ATP8A2: variants seen among roughly 807,000 people sequenced by gnomAD.
ATP8A2 encodes ATPase phospholipid transporting 8A2, also known as phospholipid-transporting ATPase IB.
Under a neutral mutation model 165.6 loss-of-function variants are expected in ATP8A2, and 100 were observed. The ratio of observed to expected loss-of-function variants is 0.60; its 90% CI spans 0.51 to 0.71. The LOEUF (loss-of-function observed/expected upper bound fraction) is 0.71. Ranked by LOEUF, ATP8A2 falls within the 30% of genes least tolerant of loss-of-function variation. The pLI is 0.00. For missense variants in ATP8A2, 1,227 were observed against 1,479.5 expected (o/e 0.83, Z 2.80); for synonymous variants, 543 against 548.8 (o/e 0.99, Z 0.15).
At chr13:25,708,181 G>A (rs552837182) in intron 25 of ATP8A2, among the ~76,000 whole-genome samples, 24 of 152,078 alleles carry the variant, frequency 1.6e-4, no homozygotes, top group Non-Finnish European at 3.5e-4. Context: ...ATAATATTTG[G>A]CATCTTTCCT....
At chr13:25,977,505 G>C (rs1244954351) in intron 35 of ATP8A2, among the ~76,000 whole-genome samples, 4 of 152,216 alleles carry the variant, frequency 2.6e-5, no homozygotes, top group Admixed American at 2.0e-4. Context: ...GGAAGGAGAG[G>C]AGGAGGAAAA....
chr13:25,937,848 C>CAAAAAAAAAAAAA (rs57258286), intron 33 of ATP8A2, among the ~76,000 whole-genome samples: 31 of 83,542 alleles, frequency 3.7e-4, no homozygotes, highest in African/African-American at 4.2e-4. Context: ...GACTCCGTCT[C>CAAAAAAAAAAAAA]AAAAAAAAAA....
At chr13:25,633,569 T>C (rs1237689976) in intron 24 of ATP8A2, among the ~76,000 whole-genome samples, 3 of 152,218 alleles carry the variant, frequency 2.0e-5, no homozygotes, top group Non-Finnish European at 4.4e-5. Flanking sequence ...ACAAAATAAT[T>C]ATAATGACAA....
chr13:25,955,148 C>T (rs1234899849), intron 33 of ATP8A2, among the ~76,000 whole-genome samples: 3 of 152,044 alleles, frequency 2.0e-5, no homozygotes, highest in Admixed American at 2.0e-4. Flanking sequence ...GTTTGGAGAA[C>T]AACATAAAGC....
intron 10 of ATP8A2, 117 bp from the exon 11 acceptor site, chr13:25,551,221 A>G: frequency 9.9e-7 from 1 of 1,007,732 alleles, no homozygotes. Flanking sequence ...ATTATTTGGC[A>G]AAAAAATAGT....
At chr13:25,713,284 G>GT (rs2043190472) in intron 25 of ATP8A2, among the ~76,000 whole-genome samples, 4 of 152,158 alleles carry the variant, frequency 2.6e-5, no homozygotes, top group Admixed American at 6.5e-5. Flanking sequence ...TTCCCACTAC[G>GT]TCTGTTTTTT....
chr13:25,775,553 A>G (rs967179413), intron 27 of ATP8A2, among the ~76,000 whole-genome samples: 7 of 152,062 alleles, frequency 4.6e-5, no homozygotes, highest in Non-Finnish European at 1.0e-4. Context: ...TTGTCAGACA[A>G]TTTTCCAAGA....
At chr13:25,772,658 C>A (rs747342915) in intron 26 of ATP8A2, among the ~76,000 whole-genome samples, 39 of 151,938 alleles carry the variant, frequency 2.6e-4, no homozygotes, top group Non-Finnish European at 5.7e-4. Context: ...GCAGTTTCCT[C>A]CTGAAAATTT....
At chr13:25,564,722 G>T (rs913279734) in intron 16 of ATP8A2, among the ~76,000 whole-genome samples, 1 of 152,246 alleles carries the variant, frequency 6.6e-6, no homozygotes, top group East Asian at 1.9e-4. Flanking sequence ...GGGAAAAATT[G>T]TATTGAGGAA....
At chr13:25,443,777 G>A (rs768754469) in intron 1 of ATP8A2, among the ~76,000 whole-genome samples, 7 of 152,148 alleles carry the variant, frequency 4.6e-5, no homozygotes, top group Admixed American at 6.5e-5. Flanking sequence ...ATGAGGGCAC[G>A]GAATTATATC....
intron 24 of ATP8A2, among the ~76,000 whole-genome samples, chr13:25,694,031 A>AT (rs1426843047): frequency 6.6e-6 from 1 of 152,004 alleles, no homozygotes; most frequent in African/African-American, 2.4e-5. Flanking sequence ...CGCACATCTA[A>AT]TTTTTTTGTA....
intron 4 of ATP8A2, 128 bp downstream of exon 4, chr13:25,530,788 G>A: frequency 1.6e-6 from 1 of 625,442 alleles, no homozygotes; most frequent in South Asian, 1.9e-5. Flanking sequence ...GACACCTGAT[G>A]GTATTTTTAG....
chr13:25,909,198 C>A (rs1397939339), intron 33 of ATP8A2, among the ~76,000 whole-genome samples: 1 of 151,980 alleles, frequency 6.6e-6, no homozygotes, highest in Non-Finnish European at 1.5e-5. Flanking sequence ...ACATACTAGT[C>A]CCCCAAAATG....
intron 1 of ATP8A2, among the ~76,000 whole-genome samples, chr13:25,396,472 T>C (rs1005494553): frequency 4.6e-5 from 7 of 152,050 alleles, no homozygotes; most frequent in Non-Finnish European, 1.5e-5. Flanking sequence ...TGAGAGACAA[T>C]AGGGCAAAAG....
intron 25 of ATP8A2, among the ~76,000 whole-genome samples, chr13:25,759,242 T>C (rs1353166575): frequency 6.6e-6 from 1 of 151,836 alleles, no homozygotes; most frequent in African/African-American, 2.4e-5. Flanking sequence ...ATGGGATTGG[T>C]AATCAGATGA....
intron 24 of ATP8A2, among the ~76,000 whole-genome samples, chr13:25,686,732 G>T (rs998053627): frequency 6.6e-6 from 1 of 152,110 alleles, no homozygotes; most frequent in African/African-American, 2.4e-5. Context: ...GACCTTTTGT[G>T]CACTGAAGTA....
Position 25,837,148 on chromosome 13 carries a change from T to C in ATP8A2, c.2755-15T>C, listed in dbSNP as rs774698646. 1 of 1,610,864 alleles carries C rather than the reference T, an allele frequency of 6.2e-7. No individual in the cohort carries two copies. Among genetic ancestry groups the C allele is most frequent in the Non-Finnish European group, 8.5e-7 (1 of 1,178,600 alleles). On this transcript the variant is annotated splice_polypyrimidine_tract_variant and intron_variant, in intron 28 of 36. Coordinates refer to ENST00000381655, the MANE Select transcript of ATP8A2 (RefSeq NM_016529.6). Reference sequence around the variant, plus strand: ...CCGAAGGGCTGCTTTTAATGGCTCATTGTTCTCCCTGCAGATTTTCACCGC... The same window carrying C: ...CCGAAGGGCTGCTTTTAATGGCTCACTGTTCTCCCTGCAGATTTTCACCGC...
In ATP8A2 at chr13:25,891,852, A is replaced by T. The variant is rs1268779324; in HGVS notation, c.3183+29444A>T. Among the ~76,000 whole-genome samples the T allele has an allele frequency of 6.6e-5, 10 of 152,270 alleles. 1 individual carries two copies. Among genetic ancestry groups the T allele is most frequent in the South Asian group, 6.2e-4 (3 of 4,814 alleles). On this transcript the variant is annotated intron_variant, in intron 33 of 36. Transcript: ENST00000381655. ...GATTTTCTTTTGTCTGACACAATTT[A>T]AAAAAATATTGCAAGGTAAAATATT...
chr13:25,561,117 C>T (rs2039139089), intron 15 of ATP8A2, among the ~76,000 whole-genome samples: 1 of 152,106 alleles, frequency 6.6e-6, no homozygotes, highest in Admixed American at 6.6e-5. Flanking sequence ...GATCTCCTGA[C>T]CTCGTGATCT....
Sources: gnomAD v4.1 joint callset for allele counts (sites outside exome capture counted in the v4.1 genomes callset) on GRCh38, gnomAD v4.1.1 for gene constraint, MANE v1.5 for transcripts, NCBI Gene and HGNC (gene_info 2026-07-23, HGNC 2026-07-21) for gene names.